Variants in SOX6 observed in about 807,000 individuals in gnomAD.
SOX6 encodes transcription factor SOX-6.
Under a neutral mutation model 97.8 loss-of-function variants are expected in SOX6, and 11 were observed. The ratio of observed to expected loss-of-function variants is 0.11; its 90% confidence interval spans 0.07 to 0.19. The LOEUF (loss-of-function observed/expected upper bound fraction) is 0.19. Ranked by LOEUF, SOX6 falls within the 10% of genes least tolerant of loss-of-function variation. The pLI is 1.00. For synonymous variants in SOX6, 360 were observed against 371.4 expected, an observed-to-expected ratio of 0.97 and a Z score of 0.35; for missense variants, 810 against 1,039.5, an observed-to-expected ratio of 0.78 and a Z score of 3.04.
intron 9 of SOX6, among the ~76,000 whole-genome samples, chr11:16,092,143 T>C (rs916683682): frequency 1.3e-5 from 2 of 152,028 alleles, no homozygotes; most frequent in African/African-American, 4.8e-5. Context: ...TGTCTAACTT[T>C]GAAAAGGTAA....
At chr11:16,100,316 G>A (rs1205726214) in intron 7 of SOX6, among the ~76,000 whole-genome samples, 2 of 151,638 alleles carry the variant, frequency 1.3e-5, no homozygotes, top group African/African-American at 2.4e-5. Context: ...TGTTGAAACA[G>A]GTTGGCTTTA....
chr11:16,201,449 A>T (rs908963598), intron 4 of SOX6, among the ~76,000 whole-genome samples: 3 of 151,336 alleles, frequency 2.0e-5, no homozygotes, highest in Non-Finnish European at 4.4e-5. Context: ...AATTAGGCTC[A>T]ATTCATCACT....
At chr11:16,239,479 C>G (rs1473727959) in intron 3 of SOX6, among the ~76,000 whole-genome samples, 8 of 152,022 alleles carry the variant, frequency 5.3e-5, no homozygotes, top group Non-Finnish European at 1.2e-4. Flanking sequence ...CTTCCCTAAC[C>G]AAGAGTACGA....
intron 1 of SOX6, among the ~76,000 whole-genome samples, chr11:16,472,667 A>G (rs927135152): frequency 2.0e-5 from 3 of 152,274 alleles, no homozygotes; most frequent in Admixed American, 6.5e-5. Flanking sequence ...TTAAACATGA[A>G]CATCTATTTT....
At chr11:16,421,789 C>A (rs1446755955) in intron 1 of SOX6, among the ~76,000 whole-genome samples, 1 of 152,184 alleles carries the variant, frequency 6.6e-6, no homozygotes, top group Non-Finnish European at 1.5e-5. Context: ...AGGAACTTTA[C>A]AAAGGCACTG....
intron 4 of SOX6, among the ~76,000 whole-genome samples, chr11:16,522,274 C>T (rs1351201309): frequency 2.0e-5 from 3 of 152,094 alleles, no homozygotes; most frequent in Non-Finnish European, 2.9e-5. Flanking sequence ...AGACTAACAG[C>T]GGATCTCTTG....
intron 4 of SOX6, among the ~76,000 whole-genome samples, chr11:16,496,621 AAT>A (rs749232682): frequency 3.9e-5 from 6 of 152,178 alleles, no homozygotes; most frequent in Non-Finnish European, 8.8e-5. Flanking sequence ...CTCCCACCCT[AAT>A]ACTGCACTTT....
chr11:16,594,882 G>A (rs924366494), intron 4 of SOX6, among the ~76,000 whole-genome samples: 32 of 151,756 alleles, frequency 2.1e-4, no homozygotes, highest in Non-Finnish European at 5.9e-5. Flanking sequence ...TAGTAGAGAC[G>A]GGGTTTCACC....
At chr11:16,599,490 A>G (rs1479330328) in intron 4 of SOX6, among the ~76,000 whole-genome samples, 1 of 152,218 alleles carries the variant, frequency 6.6e-6, no homozygotes, top group African/African-American at 2.4e-5. Flanking sequence ...ACGTCCCTCT[A>G]TAAATGGAAA....
intron 1 of SOX6, among the ~76,000 whole-genome samples, chr11:16,365,869 T>C (rs1022178030): frequency 6.6e-6 from 1 of 152,160 alleles, no homozygotes; most frequent in Admixed American, 6.6e-5. Context: ...ATTCAAACTC[T>C]TTTCAGACAC....
At chr11:16,340,448 C>A (rs1856593725) in intron 2 of SOX6, among the ~76,000 whole-genome samples, 1 of 151,998 alleles carries the variant, frequency 6.6e-6, no homozygotes. Flanking sequence ...GTGGTTTCTA[C>A]TTTTTGAGAA....
At chr11:16,442,406 A>G (rs1222416111) in intron 1 of SOX6, among the ~76,000 whole-genome samples, 2 of 152,330 alleles carry the variant, frequency 1.3e-5, no homozygotes, top group South Asian at 2.1e-4. Context: ...ATAAAGCCTT[A>G]AAAGTATATA....
At chr11:16,444,411 C>T (rs543267774) in intron 1 of SOX6, among the ~76,000 whole-genome samples, 5 of 152,204 alleles carry the variant, frequency 3.3e-5, no homozygotes, top group African/African-American at 1.2e-4. Context: ...ATGGTAATGG[C>T]TCATGTCTTA....
intron 4 of SOX6, among the ~76,000 whole-genome samples, chr11:16,558,923 C>G (rs1352511095): frequency 6.6e-6 from 1 of 151,994 alleles, no homozygotes; most frequent in African/African-American, 2.4e-5. Context: ...TTTTTAGCAT[C>G]GGAAAGCATT....
chr11:16,321,535 G>T (rs297360), intron 2 of SOX6, among the ~76,000 whole-genome samples: 131,861 of 152,048 alleles, frequency 0.87, 57,634 homozygotes, highest in Non-Finnish European at 0.92. Context: ...CATTGTTATG[G>T]ACTTGTTGGA....
At chr11:16,019,483 T>C (rs1854988918) in intron 12 of SOX6, among the ~76,000 whole-genome samples, 1 of 152,150 alleles carries the variant, frequency 6.6e-6, no homozygotes, top group Admixed American at 6.6e-5. Context: ...TATCTCATGT[T>C]ATTTTTATGT....
At chr11:16,596,385 C>G (rs138350693) in intron 4 of SOX6, among the ~76,000 whole-genome samples, 21 of 152,312 alleles carry the variant, frequency 1.4e-4, no homozygotes, top group Non-Finnish European at 3.1e-4. Flanking sequence ...GGCTTATGTC[C>G]ATATCACATT....
chr11:16,489,110 TAAC>T (rs1860475918), intron 4 of SOX6, among the ~76,000 whole-genome samples: 1 of 152,178 alleles, frequency 6.6e-6, no homozygotes, highest in Non-Finnish European at 1.5e-5. Context: ...AATAAGCTGT[TAAC>T]AAAGGCTGCC....
At chr11:16,030,924 A>G (rs1487022434) in intron 12 of SOX6, among the ~76,000 whole-genome samples, 1 of 152,216 alleles carries the variant, frequency 6.6e-6, no homozygotes, top group African/African-American at 2.4e-5. Context: ...CAGGAGGCAC[A>G]CAGCATAAAG....
Sources: allele counts gnomAD v4.1 joint callset (sites outside exome capture counted in the v4.1 genomes callset), GRCh38; gene constraint gnomAD v4.1.1; transcripts MANE v1.5; gene names NCBI Gene and HGNC (gene_info 2026-07-23, HGNC 2026-07-21).